Variants in COG8 observed in about 807,000 individuals in gnomAD.
COG8 encodes the protein component of oligomeric golgi complex 8, also known as conserved oligomeric Golgi complex subunit 8.
A neutral mutation model predicts 46.5 loss-of-function variants in COG8; 45 were observed. The ratio of observed to expected loss-of-function variants is 0.97; its 90% CI spans 0.76 to 1.24. The LOEUF is 1.24. Ranked by LOEUF, COG8 falls within the 50% of genes most tolerant of loss-of-function variation. The pLI is 0.00. For synonymous variants in COG8, 407 were observed against 347.8 expected, an observed-to-expected ratio of 1.17 and a Z score of -1.90; for missense variants, 793 against 820.8, an observed-to-expected ratio of 0.97 and a Z score of 0.41.
intron 1 of COG8, among the ~76,000 whole-genome samples, chr16:69,337,642 T>G (rs1298110431): frequency 1.3e-5 from 2 of 151,890 alleles, no homozygotes; most frequent in East Asian, 1.9e-4. Flanking sequence ...CTGTCAAATA[T>G]CCAAAGGCTC....
rs1965640296 is a variant in COG8 at position 69,327,643 on chromosome 16, G to C, written c.*1563C>G. The C allele has an allele frequency of 6.6e-6, 1 of 152,036 alleles. No individual in the cohort carries two copies. The highest frequency in any genetic ancestry group is 1.5e-5 in the Non-Finnish European group (1 of 68,010). 9.4% of individuals were successfully genotyped at this position (152,036 alleles called of 1,614,324 possible). On this transcript the variant is annotated 3_prime_UTR_variant, in exon 6 of 6. Coordinates refer to ENST00000306875, the MANE Select transcript of COG8 (RefSeq NM_032382.5). ...GGACTTCCTACTACTTGTATAGTTT[G>C]ATTTTCAGGACTCTGTTCAGCAAGA...
At chr16:69,332,119 C>T (rs1234262689) in intron 4 of COG8, among the ~76,000 whole-genome samples, 2 of 152,020 alleles carry the variant, frequency 1.3e-5, no homozygotes, top group East Asian at 1.9e-4. Context: ...TTTGGGAGGC[C>T]GAGGTGGGCG....
chr16:69,327,939 AG>A lies in COG8; in HGVS notation c.*1266del. The A allele has an allele frequency of 6.6e-6, 1 of 152,130 alleles. No homozygotes were observed. The highest frequency in any genetic ancestry group is 1.9e-4 in the East Asian group (1 of 5,194). 9.4% of individuals were successfully genotyped at this position (152,130 alleles called of 1,614,324 possible). On this transcript the variant is annotated 3_prime_UTR_variant, in exon 6 of 6. Transcript: ENST00000306875. ...TTTTTTTTTTGAGACAGAGAAAAAA[AG>A]AAAACTCTACAGCCAGAATCATACT...
chr16:69,330,787 C>G lies in COG8; in HGVS notation c.*26+26G>C, dbSNP rs2011758095. On this transcript the variant is annotated intron_variant, in intron 5 of 5. Coordinates refer to ENST00000306875, the MANE Select transcript of COG8 (RefSeq NM_032382.5). ...CCTTCCAGGGCGAGGCAGTCCTGGC[C>G]ACCCCGCGCCGGGAACCTCACGCAC... 3 of 1,504,310 alleles carry G rather than the reference C, an allele frequency of 2.0e-6. No homozygotes were observed. The South Asian group carries it at 3.8e-5, about 19-fold the overall frequency. 93.2% of individuals were successfully genotyped at this position (1,504,310 alleles called of 1,614,324 possible). A position where few individuals can be genotyped will look rare whatever the true frequency, so the allele number is the denominator to read the frequency against.
chr16:69,329,833 C>A (rs1340115773), intron 5 of COG8, among the ~76,000 whole-genome samples: 1 of 152,254 alleles, frequency 6.6e-6, no homozygotes, highest in African/African-American at 2.4e-5. Flanking sequence ...CGGGCTCTAC[C>A]CCACAGGAGC....
In COG8 at chr16:69,334,892, G is replaced by A; in HGVS notation, c.1042C>T (p.Gln348Ter). The A allele has an allele frequency of 6.2e-7, 1 of 1,614,182 alleles. No individual in the cohort carries two copies. The highest frequency in any genetic ancestry group is 1.1e-5 in the South Asian group (1 of 91,086). ...IGGHLDSLLGQCMYFGLSFSR... is the reference protein window; with the variant it reads ...IGGHLDSLLG ...AAGGACAGCCCAAAGTACATGCACT[G>A]GCCCAGCAGAGAGTCCAGGTGGCCG... The change falls in exon 3 of 6, where the codon CAG becomes TAG. Residue 348 changes from glutamine (Q) to a stop codon, truncating the protein, a stop_gained. Coordinates refer to ENST00000306875, the MANE Select transcript of COG8 (RefSeq NM_032382.5). LOFTEE classifies it high-confidence loss of function.
Position 69,339,308 on chromosome 16 carries a change from A to C in COG8, c.245T>G (p.Leu82Trp). 6.2e-7 allele frequency: 1 copy of C among 1,611,400 alleles called. No individual in the cohort carries two copies. The change falls in exon 1 of 6, where the codon TTG (leucine) becomes TGG (tryptophan). Residue 82 changes from leucine (L) to tryptophan (W), a missense_variant. Leu to Trp is a moderately conservative substitution (Grantham distance 61, BLOSUM62 -2). Transcript: ENST00000306875. ...RAQLLQQTRD[L>W]AFANYKTFIR... ...GAAGGTCTTGTAGTTAGCGAAGGCCAAGTCGCGCGTCTGCTGCAGCAGCTG... is the reference window on the plus strand; with the variant it reads ...GAAGGTCTTGTAGTTAGCGAAGGCCCAGTCGCGCGTCTGCTGCAGCAGCTG...
At chr16:69,330,672 C>A in intron 5 of COG8, 141 bp downstream of exon 5, 1 of 1,393,160 alleles carries the variant, frequency 7.2e-7, no homozygotes, top group South Asian at 1.6e-5. Flanking sequence ...GCGACTGGAT[C>A]CCCGCCTTCC....
intron 4 of COG8, among the ~76,000 whole-genome samples, chr16:69,331,640 T>C (rs544067730): frequency 2.4e-4 from 37 of 151,850 alleles, no homozygotes; most frequent in Middle Eastern, 3.4e-3. Flanking sequence ...GTAGCTGGGA[T>C]TACAGGCGCC....
At chr16:69,330,529 CCA>C (rs1597220676) in intron 5 of COG8, 2 of 1,477,036 alleles carry the variant, frequency 1.4e-6, no homozygotes, top group East Asian at 2.9e-5. Flanking sequence ...GCACGGCCGC[CCA>C]CAGTGGCCAA....
rs2012099873 is a variant in COG8, at chr16:69,334,857, C to T, written c.1077G>A (p.Val359=). 1 of 1,614,068 alleles carries T rather than the reference C, an allele frequency of 6.2e-7. No homozygotes were observed. Among genetic ancestry groups the T allele is most frequent in the Admixed American group, 1.7e-5 (1 of 59,994 alleles). The change falls in exon 3 of 6, where the codon GTG becomes GTA. Residue 359 remains valine (V), a synonymous_variant. Coordinates refer to ENST00000306875, the MANE Select transcript of COG8 (RefSeq NM_032382.5). The part of the protein sequence containing the change: ...CMYFGLSFSR[V]GADFRGQLAP... Reference sequence around the variant, plus strand: ...CCAACTGACCCCGGAAATCAGCTCCCACCCGGCTGAAGGACAGCCCAAAGT... The same window carrying T: ...CCAACTGACCCCGGAAATCAGCTCCTACCCGGCTGAAGGACAGCCCAAAGT...
At chr16:69,330,511 G>A (rs2011721783) in intron 5 of COG8, 3 of 1,471,678 alleles carry the variant, frequency 2.0e-6, no homozygotes, top group Admixed American at 4.9e-5. Flanking sequence ...CTGCCGCCCC[G>A]CCCCACGGCA....
In COG8 at chr16:69,330,543, G is replaced by C; in HGVS notation, c.*26+270C>G. On this transcript the variant is annotated intron_variant, in intron 5 of 5. Transcript: ENST00000306875. Reference sequence around the variant, plus strand: ...GGCACGGCCGCCCACAGTGGCCAAAGACTCAGCGCGCCCCACAGCCGGGCC... The same window carrying C: ...GGCACGGCCGCCCACAGTGGCCAAACACTCAGCGCGCCCCACAGCCGGGCC... 2 of 1,476,462 alleles carry C rather than the reference G, an allele frequency of 1.4e-6. No homozygotes were observed. The highest frequency in any genetic ancestry group is 1.8e-6 in the Non-Finnish European group (2 of 1,122,494). 91.5% of individuals were successfully genotyped at this position (1,476,462 alleles called of 1,614,324 possible). A position where few individuals can be genotyped will look rare whatever the true frequency, so the allele number is the denominator to read the frequency against.
At position 69,328,923 on chromosome 16, in the gene COG8, T is replaced by A. The variant is rs994301728; in HGVS notation, c.*283A>T. 3.4e-6 allele frequency: 5 copies of A among 1,473,466 alleles called. No homozygotes were observed. In the African/African-American group the frequency reaches 5.7e-5, roughly 17 times the overall value. 91.3% of individuals were successfully genotyped at this position (1,473,466 alleles called of 1,614,324 possible). ...CTTGGCAATCCAGTTTCCTGTCATA[T>A]GCGAGCCATCCAAGTTGATGCCAAG... On this transcript the variant is annotated 3_prime_UTR_variant, in exon 6 of 6. Coordinates refer to ENST00000306875, the MANE Select transcript of COG8 (RefSeq NM_032382.5).
chr16:69,334,576 C>T lies in COG8; in HGVS notation c.1358G>A (p.Cys453Tyr), dbSNP rs2012077313. 3.1e-6 allele frequency: 5 copies of T among 1,614,186 alleles called. No homozygotes were observed. The East Asian group carries it at 1.1e-4, about 36-fold the overall frequency. Residue 453 changes from cysteine (C) to tyrosine (Y), a missense_variant, in exon 3 of 6, where the codon TGC becomes TAC. Coordinates refer to ENST00000306875, the MANE Select transcript of COG8 (RefSeq NM_032382.5). ...CACATCCTGCGCCAGGGCCACAGGG[C>T]AGCAGAGGCGCAGATCATTGAAGGC... ...LVAFNDLRLCCPVALAQDVTG... is the reference protein window; with the variant it reads ...LVAFNDLRLCYPVALAQDVTG...
chr16:69,330,071 G>A lies in COG8; in HGVS notation c.*26+742C>T, dbSNP rs933042730. The A allele has an allele frequency of 5.1e-6, 8 of 1,564,100 alleles. No individual in the cohort carries two copies. The highest frequency in any genetic ancestry group is 8.6e-7 in the Non-Finnish European group (1 of 1,156,960). On this transcript the variant is annotated intron_variant, in intron 5 of 5. Transcript: ENST00000306875. The stretch of plus-strand genomic sequence containing the variant: ...GACGCTCTCGCAGCCCTCGGGAAAG[G>A]TGACCAGGCGGCTGTCAAGCACTCG...
chr16:69,336,373 T>C, intron 2 of COG8, 132 bp downstream of exon 2: 1 of 743,260 alleles, frequency 1.3e-6, no homozygotes, highest in South Asian at 1.8e-5. Context: ...GAATGTTTTC[T>C]GTTCAGGCAT....
In COG8 at chr16:69,330,473, G is replaced by A. The variant is rs774102989; in HGVS notation, c.*26+340C>T. 51 of 1,472,704 alleles carry A rather than the reference G, an allele frequency of 3.5e-5. 3 individuals carry two copies. In the South Asian group the frequency reaches 5.9e-4, roughly 17 times the overall value. 91.2% of individuals were successfully genotyped at this position (1,472,704 alleles called of 1,614,324 possible). ...GCCCTCGACGCCGTCCGGGGCGGCC[G>A]TGGAGCTGCAAGCCCGGACACCGAC... On this transcript the variant is annotated intron_variant, in intron 5 of 5. Coordinates refer to ENST00000306875, the MANE Select transcript of COG8 (RefSeq NM_032382.5).
chr16:69,331,665 G>A (rs776944878), intron 4 of COG8, among the ~76,000 whole-genome samples: 3 of 151,880 alleles, frequency 2.0e-5, no homozygotes, highest in Non-Finnish European at 4.4e-5. Flanking sequence ...ACCATGCCAG[G>A]CTAATTTTTG....
Sources: gnomAD v4.1 joint callset for allele counts (sites outside exome capture counted in the v4.1 genomes callset) on GRCh38, gnomAD v4.1.1 for gene constraint, MANE v1.5 for transcripts, NCBI Gene and HGNC (gene_info 2026-07-23, HGNC 2026-07-21) for gene names.